CELF2: variants seen among roughly 807,000 people sequenced by gnomAD.
CELF2 encodes the protein CUG triplet repeat RNA-binding protein 2.
Under a neutral mutation model 62.6 loss-of-function variants are expected in CELF2, and 8 were observed. That is an observed-to-expected ratio of 0.13 (90% CI 0.07 to 0.23). The LOEUF (loss-of-function observed/expected upper bound fraction) is 0.23. Ranked by LOEUF, CELF2 falls within the 10% of genes least tolerant of loss-of-function variation. CELF2 has a pLI of 1.00. For missense variants in CELF2, 333 were observed against 671.0 expected, an observed-to-expected ratio of 0.50 and a Z score of 5.56; for synonymous variants, 258 against 250.0, an observed-to-expected ratio of 1.03 and a Z score of -0.30.
At chr10:10,969,734 GTCATGTGTGGTT>G (rs1232608588) in intron 2 of CELF2, among the ~76,000 whole-genome samples, 4 of 152,198 alleles carry the variant, frequency 2.6e-5, no homozygotes, top group Admixed American at 2.6e-4. Flanking sequence ...TAGATCTAAA[GTCATGTGTGGTT>G]ACTTGAGCTC....
At chr10:10,624,953 C>T in the CELF2 span, among the ~76,000 whole-genome samples, 1 of 152,370 alleles carries the variant, frequency 6.6e-6, no homozygotes, top group South Asian at 2.1e-4. Flanking sequence ...TCACACGAAG[C>T]TGCGCGGCTC....
At chr10:11,180,742 T>A (rs189354859) in intron 2 of CELF2, among the ~76,000 whole-genome samples, 1 of 152,336 alleles carries the variant, frequency 6.6e-6, no homozygotes, top group East Asian at 1.9e-4. Context: ...CTTGTTAAAA[T>A]GTGTCCTCAC....
intron 3 of CELF2, among the ~76,000 whole-genome samples, chr10:11,232,462 C>G (rs1234839491): frequency 6.6e-6 from 1 of 152,194 alleles, no homozygotes; most frequent in Non-Finnish European, 1.5e-5. Context: ...GTAACTCACA[C>G]AGCCACAGGA....
chr10:10,637,145 A>G, the CELF2 span, among the ~76,000 whole-genome samples: 25 of 152,282 alleles, frequency 1.6e-4, no homozygotes, highest in African/African-American at 5.8e-4. Flanking sequence ...TTTCCATTAC[A>G]TCATGTGAGT....
intron 1 of CELF2, among the ~76,000 whole-genome samples, chr10:10,865,211 G>A (rs963464264): frequency 3.9e-5 from 6 of 152,026 alleles, no homozygotes; most frequent in African/African-American, 1.4e-4. Context: ...TTGTATTTAA[G>A]GAAAAGTATG....
At chr10:11,090,118 T>G (rs536189395) in intron 1 of CELF2, among the ~76,000 whole-genome samples, 1 of 149,990 alleles carries the variant, frequency 6.7e-6, no homozygotes, top group South Asian at 2.1e-4. Flanking sequence ...ACCCCAAACC[T>G]CAGCATCACG....
intron 1 of CELF2, among the ~76,000 whole-genome samples, chr10:11,060,289 C>T (rs952789348): frequency 3.3e-5 from 5 of 152,244 alleles, no homozygotes; most frequent in African/African-American, 1.2e-4. Flanking sequence ...CTGGATAGGA[C>T]AGCTCTGCGT....
chr10:10,909,374 C>G (rs936900590), intron 1 of CELF2, among the ~76,000 whole-genome samples: 10 of 152,220 alleles, frequency 6.6e-5, no homozygotes, highest in African/African-American at 2.4e-4. Flanking sequence ...TACTTCATCA[C>G]AGACAGCGGA....
At chr10:11,307,070 G>A (rs1038920884) in intron 9 of CELF2, among the ~76,000 whole-genome samples, 14 of 152,220 alleles carry the variant, frequency 9.2e-5, no homozygotes, top group Admixed American at 2.0e-4. Context: ...CCACATGAGA[G>A]CAGTGTGTGG....
chr10:10,742,423 G>T, the CELF2 span, among the ~76,000 whole-genome samples: 1 of 152,044 alleles, frequency 6.6e-6, no homozygotes, highest in South Asian at 2.1e-4. Flanking sequence ...GAGCTCAGGG[G>T]TTCAAGAACA....
chr10:10,657,391 A>T, the CELF2 span, among the ~76,000 whole-genome samples: 66,135 of 151,308 alleles, frequency 0.44, 14,834 homozygotes, highest in South Asian at 0.7. Flanking sequence ...TATATTTAAA[A>T]GTATATACAT....
the CELF2 span, among the ~76,000 whole-genome samples, chr10:10,558,496 C>CT: frequency 2.6e-5 from 4 of 151,364 alleles, no homozygotes; most frequent in African/African-American, 7.4e-5. Context: ...CTAAAATTCT[C>CT]TTTTTTTGTT....
chr10:10,784,188 G>A, the CELF2 span, among the ~76,000 whole-genome samples: 8 of 152,160 alleles, frequency 5.3e-5, no homozygotes, highest in African/African-American at 1.9e-4. Context: ...TTCTGGTGCT[G>A]TGTGCTTAAA....
Position 11,220,754 on chromosome 10 carries a change from C to T in CELF2, c.354+3247C>T, listed in dbSNP as rs1036444239. On this transcript the variant is annotated intron_variant, in intron 3 of 12. Transcript: ENST00000633077. The surrounding 1 kb of genome is among the most constrained non-coding windows in gnomAD (Gnocchi z 4.4). ...CTGGGAGTCCTTCCCTTGGTTTGATCACACATCTCCTCTAGAAGTGGTTGC... is the reference window on the plus strand; with the variant it reads ...CTGGGAGTCCTTCCCTTGGTTTGATTACACATCTCCTCTAGAAGTGGTTGC... 6.6e-6 allele frequency among the ~76,000 whole-genome samples: 1 copy of T among 152,210 alleles called. No homozygotes were observed. The highest frequency in any genetic ancestry group is 2.4e-5 in the African/African-American group (1 of 41,454).
intron 1 of CELF2, among the ~76,000 whole-genome samples, chr10:11,119,919 G>T (rs2144066736): frequency 7.9e-6 from 1 of 126,112 alleles, no homozygotes; most frequent in South Asian, 2.6e-4. Flanking sequence ...GCATATAATA[G>T]AATTCATCGT....
Position 11,117,313 on chromosome 10 carries a change from G to C in CELF2, c.75-48173G>C, listed in dbSNP as rs537010988. 6.6e-6 allele frequency among the ~76,000 whole-genome samples: 1 copy of C among 152,280 alleles called. No individual in the cohort carries two copies. The highest frequency in any genetic ancestry group is 1.9e-4 in the East Asian group (1 of 5,188). The stretch of plus-strand genomic sequence containing the variant: ...TTTGGAATAGTCACCTTTCTGAGTT[G>C]CTTTCTTCATTCAACGGGTGTAACA... On this transcript the variant is annotated intron_variant, in intron 1 of 12. Coordinates refer to ENST00000633077, the MANE Select transcript of CELF2 (RefSeq NM_001326342.2). The surrounding 1 kb of genome is among the most constrained non-coding windows in gnomAD (Gnocchi z 4.1).
At chr10:10,605,256 C>T in the CELF2 span, among the ~76,000 whole-genome samples, 2 of 151,712 alleles carry the variant, frequency 1.3e-5, no homozygotes, top group Non-Finnish European at 2.9e-5. Context: ...GAACAACACA[C>T]ACTGAGGCTT....
chr10:10,507,197 TTTACTGA>T, the CELF2 span, among the ~76,000 whole-genome samples: 2 of 152,106 alleles, frequency 1.3e-5, no homozygotes, highest in Non-Finnish European at 1.5e-5. Flanking sequence ...AACAGCCAGT[TTTACTGA>T]AAAACTGGCT....
intron 1 of CELF2, among the ~76,000 whole-genome samples, chr10:10,804,946 G>A (rs1443951324): frequency 6.6e-6 from 1 of 152,230 alleles, no homozygotes; most frequent in Non-Finnish European, 1.5e-5. Flanking sequence ...ACATCTTAAA[G>A]ATGTATAGAG....
Sources: allele counts gnomAD v4.1 joint callset (sites outside exome capture counted in the v4.1 genomes callset), GRCh38; gene constraint gnomAD v4.1.1; non-coding constraint Gnocchi (gnomAD v3.1); transcripts MANE v1.5; gene names NCBI Gene and HGNC (gene_info 2026-07-23, HGNC 2026-07-21).